The following TTC7A variants were observed in gnomAD, a reference collection of about 807,000 sequenced individuals.
TTC7A encodes the protein tetratricopeptide repeat protein 7A.
Under a neutral mutation model 103.7 loss-of-function variants are expected in TTC7A, and 110 were observed. The ratio of observed to expected loss-of-function variants is 1.06; its 90% CI spans 0.91 to 1.24. The LOEUF (loss-of-function observed/expected upper bound fraction) is 1.24, where lower values mean the gene tolerates loss of function less well. Ranked by LOEUF, TTC7A falls within the 50% of genes most tolerant of loss-of-function variation. The pLI, the probability that TTC7A is intolerant of heterozygous loss-of-function variation, is 0.00. For synonymous variants in TTC7A, 521 were observed against 467.9 expected, an observed-to-expected ratio of 1.11 and a Z score of -1.47; for missense variants, 1,340 against 1,116.3, an observed-to-expected ratio of 1.20 and a Z score of -2.86.
intron 3 of TTC7A, among the ~76,000 whole-genome samples, chr2:46,968,208 T>C (rs1353218449): frequency 1.3e-5 from 2 of 152,138 alleles, no homozygotes; most frequent in African/African-American, 4.8e-5. Context: ...AATCGAAAGT[T>C]CTGAGTTAAT....
intron 15 of TTC7A, among the ~76,000 whole-genome samples, chr2:47,030,920 T>G (rs1403907383): frequency 6.6e-6 from 1 of 152,036 alleles, no homozygotes; most frequent in Non-Finnish European, 1.5e-5. Flanking sequence ...CCGAGGCGGG[T>G]GGATCACCTG....
intron 15 of TTC7A, among the ~76,000 whole-genome samples, chr2:47,042,417 G>C (rs1573003698): frequency 6.6e-6 from 1 of 152,112 alleles, no homozygotes; most frequent in African/African-American, 2.4e-5. Context: ...CAGGAAGATT[G>C]CTTGAGCCCA....
At chr2:47,006,471 A>C (rs1196704536) in intron 9 of TTC7A, among the ~76,000 whole-genome samples, 170 bp from the exon 10 acceptor site, 2 of 152,210 alleles carry the variant, frequency 1.3e-5, no homozygotes, top group Non-Finnish European at 2.9e-5. Context: ...GTCACACAGC[A>C]AGCCAGGGGC....
At chr2:47,022,772 G>A (rs994125321) in intron 12 of TTC7A, among the ~76,000 whole-genome samples, 1 of 152,160 alleles carries the variant, frequency 6.6e-6, no homozygotes, top group Non-Finnish European at 1.5e-5. Flanking sequence ...CAGCCCCTTT[G>A]TCAAAGTCTA....
At chr2:46,931,177 G>A (rs974269020) in intron 2 of TTC7A, among the ~76,000 whole-genome samples, 1 of 152,224 alleles carries the variant, frequency 6.6e-6, no homozygotes, top group Non-Finnish European at 1.5e-5. Flanking sequence ...GTGCAGTGGT[G>A]CAATCATGGC....
At chr2:46,943,916 T>C (rs1463590137) in intron 1 of TTC7A, among the ~76,000 whole-genome samples, 2 of 152,172 alleles carry the variant, frequency 1.3e-5, no homozygotes, top group African/African-American at 2.4e-5. Flanking sequence ...CAGAGGTAGA[T>C]TCAGGGAGGC....
At chr2:47,059,212 G>A (rs974684957) in intron 18 of TTC7A, among the ~76,000 whole-genome samples, 72 of 151,450 alleles carry the variant, frequency 4.8e-4, no homozygotes, top group African/African-American at 1.6e-3. Flanking sequence ...TACTAGAGAC[G>A]GGGTTTCACC....
intron 11 of TTC7A, among the ~76,000 whole-genome samples, chr2:47,020,585 G>A (rs1679184618): frequency 6.6e-6 from 1 of 152,228 alleles, no homozygotes. Context: ...CCCACAAGGT[G>A]GCTGTAGGGC....
At chr2:46,999,459 A>C in intron 8 of TTC7A, 1 of 984,964 alleles carries the variant, frequency 1.0e-6, no homozygotes, top group Non-Finnish European at 1.2e-6. Flanking sequence ...CTATCCACCC[A>C]CCATGTATCC....
At chr2:46,966,683 A>T (rs1207941129) in intron 3 of TTC7A, among the ~76,000 whole-genome samples, 10 of 136,446 alleles carry the variant, frequency 7.3e-5, no homozygotes, top group African/African-American at 2.8e-4. Flanking sequence ...TTTGGTGGAG[A>T]TGGGGTCTAT....
chr2:47,051,284 C>G (rs571700994), intron 17 of TTC7A, among the ~76,000 whole-genome samples: 1 of 152,244 alleles, frequency 6.6e-6, no homozygotes, highest in Non-Finnish European at 1.5e-5. Flanking sequence ...AAATGTGGTC[C>G]TATTCTTTTG....
chr2:46,983,370 G>C (rs1674672272), intron 5 of TTC7A, among the ~76,000 whole-genome samples: 2 of 152,246 alleles, frequency 1.3e-5, no homozygotes, highest in Non-Finnish European at 2.9e-5. Context: ...TTTGGTTTCA[G>C]AGAAACGGTG....
chr2:46,930,745 C>A (rs936897525), intron 2 of TTC7A, among the ~76,000 whole-genome samples: 79 of 152,042 alleles, frequency 5.2e-4, no homozygotes, highest in Non-Finnish European at 2.6e-4. Context: ...GGTGATCCAC[C>A]CGCCTCAGCC....
intron 3 of TTC7A, among the ~76,000 whole-genome samples, chr2:46,965,525 C>G (rs936490080): frequency 5.3e-5 from 8 of 151,056 alleles, no homozygotes; most frequent in African/African-American, 1.7e-4. Flanking sequence ...ATGCTTTTAG[C>G]TGAGGGGTCT....
chr2:47,037,134 TG>T (rs766786885), intron 15 of TTC7A, among the ~76,000 whole-genome samples: 27 of 152,236 alleles, frequency 1.8e-4, no homozygotes, highest in Non-Finnish European at 4.0e-4. Flanking sequence ...AGGTCCACTT[TG>T]TCCCCGGAGC....
chr2:47,070,782 T>G (rs1048985937), intron 19 of TTC7A, among the ~76,000 whole-genome samples: 1 of 152,140 alleles, frequency 6.6e-6, no homozygotes, highest in East Asian at 1.9e-4. Flanking sequence ...TGGAATCATG[T>G]CTGTGGCTAT....
intron 12 of TTC7A, 140 bp downstream of exon 12, chr2:47,022,119 C>T (rs765113820): frequency 1.5e-5 from 9 of 614,908 alleles, no homozygotes; most frequent in South Asian, 1.4e-4. Context: ...GGAGAGATGC[C>T]CATGTGTGCA....
intron 8 of TTC7A, among the ~76,000 whole-genome samples, chr2:47,000,453 T>C (rs1180169156): frequency 6.6e-6 from 1 of 152,230 alleles, no homozygotes; most frequent in Non-Finnish European, 1.5e-5. Context: ...CCTCTCTCTC[T>C]AACCGGCAGA....
intron 15 of TTC7A, among the ~76,000 whole-genome samples, chr2:47,044,135 A>C (rs909896098): frequency 8.6e-5 from 13 of 151,772 alleles, no homozygotes; most frequent in African/African-American, 3.1e-4. Flanking sequence ...CAGCTGCCCC[A>C]CCCTCCACAC....
Sources: gnomAD v4.1 joint callset for allele counts (sites outside exome capture counted in the v4.1 genomes callset) on GRCh38, gnomAD v4.1.1 for gene constraint, MANE v1.5 for transcripts, NCBI Gene and HGNC (gene_info 2026-07-23, HGNC 2026-07-21) for gene names.